NLGN1: variants seen among roughly 807,000 people sequenced by gnomAD.
NLGN1 encodes the protein neuroligin-1.
In NLGN1, 12 loss-of-function variants were observed where a neutral mutation model predicts 65.5. That is an observed-to-expected ratio of 0.18 (90% CI 0.12 to 0.30). NLGN1 has a LOEUF of 0.30. NLGN1 is among the 10% of genes least tolerant of loss of function. The pLI is 1.00. For synonymous variants in NLGN1, 350 were observed against 359.5 expected (o/e 0.97, Z 0.30); for missense variants, 750 against 1,007.1 (o/e 0.74, Z 3.46).
At chr3:173,792,968 T>C (rs149492110) in intron 3 of NLGN1, among the ~76,000 whole-genome samples, 2 of 152,328 alleles carry the variant, frequency 1.3e-5, no homozygotes, top group East Asian at 3.9e-4. Flanking sequence ...AAACTCACAG[T>C]ACAAGATTCA....
intron 3 of NLGN1, among the ~76,000 whole-genome samples, chr3:173,762,277 C>A (rs1778074452): frequency 1.3e-5 from 2 of 151,938 alleles, no homozygotes; most frequent in Non-Finnish European, 2.9e-5. Flanking sequence ...CTTGCCTTCT[C>A]CAATAATGAA....
intron 4 of NLGN1, among the ~76,000 whole-genome samples, chr3:174,271,227 C>T (rs922862057): frequency 6.6e-6 from 1 of 151,782 alleles, no homozygotes; most frequent in Non-Finnish European, 1.5e-5. Flanking sequence ...GAAGGAAGCA[C>T]AGCTACAGTA....
chr3:173,569,794 CAATATGATA>C (rs1744330759), intron 2 of NLGN1, among the ~76,000 whole-genome samples: 1 of 152,058 alleles, frequency 6.6e-6, no homozygotes, highest in African/African-American at 2.4e-5. Context: ...CATTTTCTGG[CAATATGATA>C]TAGCATAGGC....
chr3:173,799,802 TA>T (rs911750177), intron 3 of NLGN1, among the ~76,000 whole-genome samples: 3 of 151,614 alleles, frequency 2.0e-5, no homozygotes, highest in Non-Finnish European at 3.0e-5. Context: ...TTAATGTTCT[TA>T]AAAAAAAGAA....
At chr3:173,690,237 A>G (rs1351256989) in intron 3 of NLGN1, among the ~76,000 whole-genome samples, 1 of 152,190 alleles carries the variant, frequency 6.6e-6, no homozygotes, top group African/African-American at 2.4e-5. Context: ...AACATTTTTT[A>G]AAAGTCTCTA....
intron 2 of NLGN1, among the ~76,000 whole-genome samples, chr3:173,535,333 TG>T (rs578110193): frequency 3.5e-4 from 54 of 152,348 alleles, no homozygotes; most frequent in Admixed American, 6.5e-4. Context: ...AAGGCACTTT[TG>T]ATGTTGTGAA....
chr3:174,124,021 G>A (rs1718330307), intron 4 of NLGN1, among the ~76,000 whole-genome samples: 1 of 152,088 alleles, frequency 6.6e-6, no homozygotes, highest in Middle Eastern at 3.4e-3. Flanking sequence ...GATTAAATGG[G>A]GTCATAAGGG....
At chr3:173,771,612 T>C (rs1384522679) in intron 3 of NLGN1, among the ~76,000 whole-genome samples, 2 of 152,250 alleles carry the variant, frequency 1.3e-5, no homozygotes, top group African/African-American at 4.8e-5. Context: ...ATTTTTAAAA[T>C]AATGGCTAGT....
At chr3:173,618,984 A>G (rs1366937780) in intron 3 of NLGN1, among the ~76,000 whole-genome samples, 1 of 152,122 alleles carries the variant, frequency 6.6e-6, no homozygotes, top group Non-Finnish European at 1.5e-5. Flanking sequence ...TGAGCTCAGA[A>G]TGGCCTCACC....
At chr3:173,994,913 G>A (rs978825682) in intron 4 of NLGN1, among the ~76,000 whole-genome samples, 1 of 152,076 alleles carries the variant, frequency 6.6e-6, no homozygotes, top group African/African-American at 2.4e-5. Flanking sequence ...ATAAGGAGAA[G>A]GATGAAAGCT....
intron 4 of NLGN1, among the ~76,000 whole-genome samples, chr3:173,964,887 T>C (rs1481467862): frequency 2.0e-5 from 3 of 152,204 alleles, no homozygotes; most frequent in Non-Finnish European, 2.9e-5. Context: ...GGAAATCACA[T>C]GGATCAGTAA....
chr3:174,244,491 T>C (rs1045005401), intron 4 of NLGN1, among the ~76,000 whole-genome samples: 1 of 152,194 alleles, frequency 6.6e-6, no homozygotes, highest in African/African-American at 2.4e-5. Flanking sequence ...GAACAATGTT[T>C]TTCAAATAAA....
At chr3:174,047,989 C>T (rs1392693507) in intron 4 of NLGN1, among the ~76,000 whole-genome samples, 1 of 151,928 alleles carries the variant, frequency 6.6e-6, no homozygotes, top group Non-Finnish European at 1.5e-5. Flanking sequence ...TATGAACCTT[C>T]TAGAAAGCAA....
At chr3:173,886,345 T>C (rs1734327418) in intron 4 of NLGN1, among the ~76,000 whole-genome samples, 1 of 152,104 alleles carries the variant, frequency 6.6e-6, no homozygotes, top group East Asian at 1.9e-4. Flanking sequence ...AATTTACTGT[T>C]ACATGAACAC....
At chr3:174,025,156 T>A (rs1186013247) in intron 4 of NLGN1, among the ~76,000 whole-genome samples, 1 of 152,188 alleles carries the variant, frequency 6.6e-6, no homozygotes, top group African/African-American at 2.4e-5. Flanking sequence ...TATGTAGAAT[T>A]TTTTTCTAAA....
chr3:173,732,337 T>C (rs1772986337), intron 3 of NLGN1, among the ~76,000 whole-genome samples: 1 of 152,142 alleles, frequency 6.6e-6, no homozygotes, highest in South Asian at 2.1e-4. Flanking sequence ...TCTGATTGCT[T>C]TCCACATCAC....
chr3:173,693,152 T>A (rs978591898), intron 3 of NLGN1, among the ~76,000 whole-genome samples: 1 of 152,134 alleles, frequency 6.6e-6, no homozygotes, highest in Non-Finnish European at 1.5e-5. Context: ...CAAGTGATTC[T>A]GACATCTCAA....
At chr3:173,450,056 A>G (rs1721186364) in intron 2 of NLGN1, among the ~76,000 whole-genome samples, 2 of 152,134 alleles carry the variant, frequency 1.3e-5, no homozygotes, top group African/African-American at 2.4e-5. Context: ...CATTTAGGCC[A>G]TTTACTTTTA....
intron 4 of NLGN1, among the ~76,000 whole-genome samples, chr3:173,975,673 T>A (rs1470651308): frequency 6.6e-6 from 1 of 151,870 alleles, no homozygotes; most frequent in African/African-American, 2.4e-5. Context: ...TACTTTCCAA[T>A]TCCTTTTTTA....
Sources: gnomAD v4.1 joint callset for allele counts (sites outside exome capture counted in the v4.1 genomes callset) on GRCh38, gnomAD v4.1.1 for gene constraint, MANE v1.5 for transcripts, NCBI Gene and HGNC (gene_info 2026-07-23, HGNC 2026-07-21) for gene names.